The following KLF13 variants were observed in gnomAD, a reference collection of about 807,000 sequenced individuals.
KLF13 encodes the protein KLF transcription factor 13, also known as Krueppel-like factor 13.
A neutral mutation model predicts 16.7 loss-of-function variants in KLF13; 8 were observed. That is an observed-to-expected ratio of 0.48 (90% CI 0.28 to 0.87). The LOEUF (loss-of-function observed/expected upper bound fraction) is 0.87, where lower values mean the gene tolerates loss of function less well. KLF13 is among the 40% of genes least tolerant of loss of function. The probability of loss-of-function intolerance (pLI) is 0.10; values close to 1 mark genes in which losing one functional copy is unlikely to be tolerated. For missense variants in KLF13, 447 were observed against 452.2 expected, an observed-to-expected ratio of 0.99 and a Z score of 0.10; for synonymous variants, 245 against 208.4, an observed-to-expected ratio of 1.18 and a Z score of -1.51.
intron 1 of KLF13, among the ~76,000 whole-genome samples, chr15:31,419,841 C>T (rs1429616455): frequency 1.3e-5 from 2 of 152,054 alleles, no homozygotes; most frequent in Non-Finnish European, 2.9e-5. Flanking sequence ...CAAAGAAGAA[C>T]CCAAAGATGC....
chr15:31,413,187 C>CAAAAAAAAA (rs1161762538), intron 1 of KLF13, among the ~76,000 whole-genome samples: 2,392 of 61,692 alleles, frequency 0.039, 9 homozygotes, highest in Non-Finnish European at 0.064. Context: ...AATGAATAGA[C>CAAAAAAAAA]AAAAAAAAAA....
intron 1 of KLF13, among the ~76,000 whole-genome samples, chr15:31,423,934 C>T (rs1337979688): frequency 6.6e-6 from 1 of 151,948 alleles, no homozygotes; most frequent in Non-Finnish European, 1.5e-5. Context: ...GAAGAAATCA[C>T]GAGAGAAATT....
At chr15:31,401,157 C>T (rs775780651) in intron 2 of KLF13, among the ~76,000 whole-genome samples, 29 of 152,164 alleles carry the variant, frequency 1.9e-4, no homozygotes, top group South Asian at 4.1e-4. Context: ...TGCGCCACCA[C>T]GCCCAGCTAA....
At chr15:31,410,937 G>A (rs940353524) in intron 1 of KLF13, among the ~76,000 whole-genome samples, 10 of 152,062 alleles carry the variant, frequency 6.6e-5, no homozygotes, top group African/African-American at 2.4e-4. Context: ...GAGTAAAATG[G>A]ATCAATTCCT....
At chr15:31,403,274 G>T (rs2040067649) in intron 2 of KLF13, among the ~76,000 whole-genome samples, 1 of 152,220 alleles carries the variant, frequency 6.6e-6, no homozygotes, top group Admixed American at 6.5e-5. Context: ...GTGAAACTGG[G>T]TGACTGGCAA....
At chr15:31,342,534 C>T (rs1566807097) in intron 1 of KLF13, among the ~76,000 whole-genome samples, 2 of 152,200 alleles carry the variant, frequency 1.3e-5, no homozygotes, top group African/African-American at 2.4e-5. Flanking sequence ...GCGAGCTCAT[C>T]GCTGCGGTCG....
chr15:31,388,123 T>G (rs1472624534), upstream of KLF13, among the ~76,000 whole-genome samples: 1 of 152,184 alleles, frequency 6.6e-6, no homozygotes, highest in Non-Finnish European at 1.5e-5. Context: ...TGGAAGTGCC[T>G]GAACATGATG....
chr15:31,369,801 G>A (rs1024594473), intron 1 of KLF13, among the ~76,000 whole-genome samples: 2 of 152,184 alleles, frequency 1.3e-5, no homozygotes, highest in African/African-American at 4.8e-5. Flanking sequence ...TAACTTGGAA[G>A]GCCCTGTTCC....
chr15:31,425,915 A>G (rs2040395445), intron 1 of KLF13, among the ~76,000 whole-genome samples: 1 of 152,154 alleles, frequency 6.6e-6, no homozygotes, highest in African/African-American at 2.4e-5. Context: ...AACAGCACCC[A>G]AGTCACCTCT....
Position 31,327,575 on chromosome 15 carries a change from G to C in KLF13, c.363G>C (p.Ala121=). The C allele has an allele frequency of 1.7e-6, 2 of 1,180,588 alleles. No homozygotes were observed. The allele number at this position is 1,180,588 out of a possible 1,614,324, so 73.1% of individuals were successfully genotyped here. The change falls in exon 1 of 2, where the codon GCG becomes GCC. Residue 121 remains alanine, a synonymous_variant. Coordinates refer to ENST00000307145, the MANE Select transcript of KLF13 (RefSeq NM_015995.4). The part of the protein sequence containing the change: ...EGAAAAPPSP[A]WSEPEPEAGL... Reference sequence around the variant, plus strand: ...CGGCGGCCGCGCCCCCCAGCCCGGCGTGGAGCGAGCCGGAGCCCGAGGCGG... The same window carrying C: ...CGGCGGCCGCGCCCCCCAGCCCGGCCTGGAGCGAGCCGGAGCCCGAGGCGG...
At chr15:31,327,959 C>A (rs577664034) in intron 1 of KLF13, among the ~76,000 whole-genome samples, 170 bp downstream of exon 1, 2 of 147,754 alleles carry the variant, frequency 1.4e-5, no homozygotes, top group Admixed American at 6.7e-5. Context: ...CCCCGCGCGT[C>A]GCGCGAGGCG....
downstream of KLF13, among the ~76,000 whole-genome samples, chr15:31,379,883 G>A (rs1488421884): frequency 1.3e-5 from 2 of 152,154 alleles, no homozygotes; most frequent in African/African-American, 4.8e-5. Flanking sequence ...GCAGTTAGGC[G>A]AAGTGCTGTG....
rs180829627 is a variant in KLF13, at chr15:31,329,914, T to G, written c.577+2125T>G. On this transcript the variant is annotated intron_variant, in intron 1 of 1. Transcript: ENST00000307145. ...GATTTCCGGGCCCCTGATGCCGACCTAGTACACACAGTTCCAGCGTGCAGT... is the reference window on the plus strand; with the variant it reads ...GATTTCCGGGCCCCTGATGCCGACCGAGTACACACAGTTCCAGCGTGCAGT... Among the ~76,000 whole-genome samples, 564 of 152,250 alleles carry G rather than the reference T, an allele frequency of 3.7e-3. 11 individuals are homozygous for G. Among genetic ancestry groups the G allele is most frequent in the Admixed American group, 0.025 (382 of 15,310 alleles).
intron 1 of KLF13, among the ~76,000 whole-genome samples, chr15:31,344,966 C>T (rs1204424855): frequency 3.9e-5 from 6 of 152,140 alleles, no homozygotes; most frequent in Non-Finnish European, 8.8e-5. Context: ...GCAAGCCAAC[C>T]CTGGGGGCTG....
chr15:31,434,622 G>A (rs993143077), intron 1 of KLF13, among the ~76,000 whole-genome samples: 1 of 152,172 alleles, frequency 6.6e-6, no homozygotes, highest in African/African-American at 2.4e-5. Context: ...TGGTTCCACG[G>A]GGCTGGACCT....
chr15:31,338,551 G>C (rs1242317806), intron 1 of KLF13, among the ~76,000 whole-genome samples: 2 of 152,188 alleles, frequency 1.3e-5, no homozygotes, highest in Non-Finnish European at 2.9e-5. Context: ...ACAAGAGCAG[G>C]GTAGGAAGCA....
chr15:31,377,618 T>C lies in KLF13; in HGVS notation c.*5319T>C, dbSNP rs2039671049. 6.5e-6 allele frequency: 1 copy of C among 152,672 alleles called. No individual in the cohort carries two copies. Among genetic ancestry groups the C allele is most frequent in the Admixed American group, 6.5e-5 (1 of 15,284 alleles). The allele number at this position is 152,672 out of a possible 1,614,324, so 9.5% of individuals were successfully genotyped here. A position where few individuals can be genotyped will look rare whatever the true frequency, so the allele number is the denominator to read the frequency against. The stretch of plus-strand genomic sequence containing the variant: ...CCATGGAGCTCATGTTTTTCTTTTC[T>C]GTAGGAACTTTTTTTTAACCAGCAC... On this transcript the variant is annotated 3_prime_UTR_variant, in exon 2 of 2. Coordinates refer to ENST00000307145, the MANE Select transcript of KLF13 (RefSeq NM_015995.4).
In KLF13 at chr15:31,372,271, C is replaced by T; in HGVS notation, c.839C>T (p.Pro280Leu). Residue 280 changes from proline to leucine, a missense_variant, in exon 2 of 2, where the codon CCC becomes CTC. Around this residue, in one of 2 missense-constraint regions of KLF13, gnomAD observed 88 missense variants for 169.5 expected, o/e 0.52. Coordinates refer to ENST00000307145, the MANE Select transcript of KLF13 (RefSeq NM_015995.4). ...SDYSRSDASS[P>L]TISPASSP ...TACAGCCGCTCCGACGCCAGCAGCC[C>T]CACCATCAGCCCGGCCAGCTCGCCC... The T allele has an allele frequency of 6.6e-7, 1 of 1,507,804 alleles. No homozygotes were observed. Among genetic ancestry groups the T allele is most frequent in the Non-Finnish European group, 8.8e-7 (1 of 1,132,120 alleles). The allele number at this position is 1,507,804 out of a possible 1,614,324, so 93.4% of individuals were successfully genotyped here. A position where few individuals can be genotyped will look rare whatever the true frequency, so the allele number is the denominator to read the frequency against.
Position 31,423,135 on chromosome 15 carries a change from A to AGC in KLF13, n.118-12235_118-12234insGC. 1.8e-5 allele frequency among the ~76,000 whole-genome samples: 2 copies of AGC among 113,022 alleles called. 1 individual carries two copies. The highest frequency in any genetic ancestry group is 4.7e-4 in the South Asian group (2 of 4,254). 74.1% of individuals were successfully genotyped at this position (113,022 alleles called of 152,430 possible). A position where few individuals can be genotyped will look rare whatever the true frequency, so the allele number is the denominator to read the frequency against. On this transcript the variant is annotated intron_variant and non_coding_transcript_variant, in intron 1 of 1. Transcript: ENST00000558225. ...TACGTATATATACGTATATATACGT[A>AGC]TACGTATACGTATATATACGTATAT...
Sources: allele counts gnomAD v4.1 joint callset (sites outside exome capture counted in the v4.1 genomes callset), GRCh38; gene constraint gnomAD v4.1.1; regional missense constraint gnomAD v4.1.1; transcripts MANE v1.5; gene names NCBI Gene and HGNC (gene_info 2026-07-23, HGNC 2026-07-21).